IRAK2: variants seen among roughly 807,000 people sequenced by gnomAD.
The protein encoded by IRAK2 is interleukin-1 receptor-associated kinase-like 2.
A neutral mutation model predicts 72.0 loss-of-function variants in IRAK2; 57 were observed. That is an observed-to-expected ratio of 0.79 (90% CI 0.64 to 0.99). IRAK2 has a LOEUF of 0.99. Among genes scored for constraint, IRAK2 ranks in the 50% least tolerant of loss-of-function variants. The probability of loss-of-function intolerance (pLI) is 0.00; values close to 1 mark genes in which losing one functional copy is unlikely to be tolerated. For missense variants in IRAK2, 790 were observed against 794.4 expected, an observed-to-expected ratio of 0.99 and a Z score of 0.07; for synonymous variants, 293 against 312.7, an observed-to-expected ratio of 0.94 and a Z score of 0.67.
In IRAK2 at chr3:10,176,077, T is replaced by G. The variant is rs1378018978; in HGVS notation, c.95-1761T>G. 5.4e-5 allele frequency among the ~76,000 whole-genome samples: 8 copies of G among 148,920 alleles called. No homozygotes were observed. In the South Asian group the frequency reaches 1.1e-3, roughly 20 times the overall value. Reference sequence around the variant, plus strand: ...CTGTATTGTCCATGTTTTTTTTTTTTTTTTTTTTTTTTGGTGAACAACCAT... The same window carrying G: ...CTGTATTGTCCATGTTTTTTTTTTTGTTTTTTTTTTTTGGTGAACAACCAT... On this transcript the variant is annotated intron_variant, in intron 1 of 12. Coordinates refer to ENST00000256458, the MANE Select transcript of IRAK2 (RefSeq NM_001570.4).
chr3:10,208,317 T>G (rs1455913076), intron 3 of IRAK2, among the ~76,000 whole-genome samples: 1 of 152,022 alleles, frequency 6.6e-6, no homozygotes, highest in Non-Finnish European at 1.5e-5. Flanking sequence ...AAGGATTTTT[T>G]TTGAGACAGG....
At chr3:10,213,424 TG>T in intron 5 of IRAK2, 23 bp downstream of exon 5, 1 of 1,609,180 alleles carries the variant, frequency 6.2e-7, no homozygotes, top group Non-Finnish European at 8.5e-7. Flanking sequence ...TGGTTTCTAG[TG>T]GGGGTGGAGG....
Position 10,226,389 on chromosome 3 carries a change from A to G in IRAK2, c.1228A>G (p.Thr410Ala). 1 of 1,613,594 alleles carries G rather than the reference A, an allele frequency of 6.2e-7. No individual in the cohort carries two copies. The highest frequency in any genetic ancestry group is 8.5e-7 in the Non-Finnish European group (1 of 1,179,814). Reference protein sequence around the residue: ...SCGIVLAEVLTGIPAMDNNRS... With the variant: ...SCGIVLAEVLAGIPAMDNNRS... ...TCTCCAGGTGTTGGCCGAGGTCCTC[A>G]CGGGCATCCCTGCAATGGATAACAA... is the stretch of plus-strand genomic sequence containing the variant. The change falls in exon 10 of 13, where the codon ACG (threonine) becomes GCG (alanine). Residue 410 changes from threonine (T) to alanine (A), a missense_variant. Thr to Ala is a moderately conservative substitution (Grantham distance 58). Transcript: ENST00000256458.
intron 7 of IRAK2, 21 bp downstream of exon 7, chr3:10,217,069 C>G: frequency 6.4e-7 from 1 of 1,560,296 alleles, no homozygotes; most frequent in Non-Finnish European, 8.8e-7. Context: ...GGGTCATGGT[C>G]AGAGAATGGG....
At chr3:10,229,839 G>A (rs1036101193) in intron 10 of IRAK2, among the ~76,000 whole-genome samples, 1 of 152,108 alleles carries the variant, frequency 6.6e-6, no homozygotes, top group Non-Finnish European at 1.5e-5. Context: ...AGTGGCTCAC[G>A]GCTGTAATCG....
intron 2 of IRAK2, among the ~76,000 whole-genome samples, chr3:10,182,154 G>A (rs1383901307): frequency 4.6e-5 from 7 of 151,748 alleles, no homozygotes; most frequent in African/African-American, 9.7e-5. Flanking sequence ...TTTCAGTAGA[G>A]ACGGGGGTTT....
At chr3:10,181,308 T>TA (rs569896526) in intron 2 of IRAK2, among the ~76,000 whole-genome samples, 3,056 of 148,578 alleles carry the variant, frequency 0.021, 98 homozygotes, top group African/African-American at 0.068. Flanking sequence ...GACTTTGTGT[T>TA]AAAAAAAAAA....
chr3:10,213,450 C>T (rs746664283), intron 5 of IRAK2, 34 bp from the exon 6 acceptor site: 46 of 1,601,112 alleles, frequency 2.9e-5, no homozygotes, highest in Non-Finnish European at 3.5e-5. Flanking sequence ...AGGGGTGGGG[C>T]GGGATCTTCA....
rs147862277 is a variant in IRAK2, at chr3:10,213,329, C to A, written c.651C>A (p.Ser217Arg). The A allele has an allele frequency of 3.2e-5, 51 of 1,614,112 alleles. 1 individual carries two copies. In the Admixed American group the frequency reaches 3.5e-4, roughly 11 times the overall value. Residue 217 changes from serine to arginine, a missense_variant, in exon 5 of 13, where the codon AGC becomes AGA. Transcript: ENST00000256458. ...ACTTCAATCAAAACCGCAAAATCAG[C>A]CAGGGGACCTTTGCTGACGTCTACA... ...TDDFNQNRKI[S>R]QGTFADVYRG...
chr3:10,240,787 A>AGGGTG (rs2125166976), intron 12 of IRAK2, among the ~76,000 whole-genome samples: 2 of 151,084 alleles, frequency 1.3e-5, no homozygotes, highest in South Asian at 2.1e-4. Flanking sequence ...TTGAACTCCC[A>AGGGTG]ACCTCAGGTG....
chr3:10,186,939 A>G (rs978719245), intron 2 of IRAK2, among the ~76,000 whole-genome samples: 1 of 150,232 alleles, frequency 6.7e-6, no homozygotes, highest in Non-Finnish European at 1.5e-5. Context: ...AGCTAGGACT[A>G]TAAGTGCAAA....
At chr3:10,197,818 C>T (rs975348531) in intron 2 of IRAK2, among the ~76,000 whole-genome samples, 1 of 149,548 alleles carries the variant, frequency 6.7e-6, no homozygotes, top group African/African-American at 2.5e-5. Flanking sequence ...TGCCACTGCA[C>T]TCTAGCCTGG....
At chr3:10,173,516 C>T (rs1365506186) in intron 1 of IRAK2, among the ~76,000 whole-genome samples, 1 of 152,120 alleles carries the variant, frequency 6.6e-6, no homozygotes, top group Non-Finnish European at 1.5e-5. Flanking sequence ...TCTATCATGT[C>T]CCGACTCTAA....
At chr3:10,203,756 C>T (rs1262069957) in intron 3 of IRAK2, among the ~76,000 whole-genome samples, 7 of 152,180 alleles carry the variant, frequency 4.6e-5, no homozygotes, top group East Asian at 1.9e-4. Context: ...CTCAGCCTCC[C>T]GAGTAGCTGG....
At chr3:10,205,176 T>G (rs1237131881) in intron 3 of IRAK2, among the ~76,000 whole-genome samples, 1 of 152,296 alleles carries the variant, frequency 6.6e-6, no homozygotes, top group Non-Finnish European at 1.5e-5. Context: ...GAATTCCTTC[T>G]CATTCTCCTC....
At chr3:10,226,175 C>T (rs1289228473) in intron 9 of IRAK2, among the ~76,000 whole-genome samples, 196 bp from the exon 10 acceptor site, 2 of 152,160 alleles carry the variant, frequency 1.3e-5, no homozygotes, top group African/African-American at 4.8e-5. Flanking sequence ...CAACCTTCCA[C>T]TGGCAGCTTG....
At chr3:10,188,818 G>T (rs184088945) in intron 2 of IRAK2, among the ~76,000 whole-genome samples, 161 of 152,344 alleles carry the variant, frequency 1.1e-3, no homozygotes, top group African/African-American at 3.7e-3. Flanking sequence ...GAACCACTGT[G>T]CCTGGCCTAA....
intron 11 of IRAK2, among the ~76,000 whole-genome samples, chr3:10,234,946 C>A (rs189421667): frequency 1.3e-5 from 2 of 152,362 alleles, no homozygotes; most frequent in African/African-American, 4.8e-5. Context: ...CTATAGGCCC[C>A]TTCCCCTTTC....
At chr3:10,178,629 A>G (rs1169727535) in intron 2 of IRAK2, among the ~76,000 whole-genome samples, 1 of 152,200 alleles carries the variant, frequency 6.6e-6, no homozygotes, top group African/African-American at 2.4e-5. Context: ...AATTAATTTA[A>G]AAAACCCCAA....
Sources: allele counts gnomAD v4.1 joint callset (sites outside exome capture counted in the v4.1 genomes callset), GRCh38; gene constraint gnomAD v4.1.1; transcripts MANE v1.5; gene names NCBI Gene and HGNC (gene_info 2026-07-23, HGNC 2026-07-21).